The following MGAT5B variants were observed in gnomAD, a reference collection of about 807,000 sequenced individuals.
MGAT5B encodes the protein N-acetylglucosaminyl-transferase Vb.
A neutral mutation model predicts 95.1 loss-of-function variants in MGAT5B; 54 were observed. The observed-to-expected ratio is 0.57, with a 90% CI of 0.46 to 0.71. The LOEUF is 0.71. Among genes scored for constraint, MGAT5B ranks in the 30% least tolerant of loss-of-function variants. MGAT5B has a pLI of 0.00. For synonymous variants in MGAT5B, 464 were observed against 451.0 expected (o/e 1.03, Z -0.36); for missense variants, 935 against 1,088.6 (o/e 0.86, Z 1.99).
Position 76,906,190 on chromosome 17 carries a change from G to A in MGAT5B, c.1025+3G>A, listed in dbSNP as rs1410874922. On this transcript the variant is annotated splice_donor_region_variant and intron_variant, in intron 8 of 17. Transcript: ENST00000569840. The surrounding 1 kb of genome is among the most constrained non-coding windows in gnomAD (Gnocchi z 4.6). Reference sequence around the variant, plus strand: ...GTCTCCCTGAAGGAGCTGCAGAGGTGAGTGCTGGGGAAAGCCACTGGCATT... The same window carrying A: ...GTCTCCCTGAAGGAGCTGCAGAGGTAAGTGCTGGGGAAAGCCACTGGCATT... 2.5e-6 allele frequency: 4 copies of A among 1,592,162 alleles called. No individual in the cohort carries two copies. The highest frequency in any genetic ancestry group is 8.5e-7 in the Non-Finnish European group (1 of 1,171,876).
intron 1 of MGAT5B, among the ~76,000 whole-genome samples, chr17:76,871,081 A>G (rs1320488344): frequency 6.6e-6 from 1 of 152,154 alleles, no homozygotes; most frequent in East Asian, 1.9e-4. Flanking sequence ...CAGGCAGCCC[A>G]GGTCCCCAGC....
intron 2 of MGAT5B, among the ~76,000 whole-genome samples, chr17:76,876,879 T>C (rs1424765693): frequency 1.3e-5 from 2 of 152,220 alleles, no homozygotes; most frequent in African/African-American, 4.8e-5. Context: ...CTTTCCGGCA[T>C]TGCCCCCTCC....
Position 76,940,676 on chromosome 17 carries a change from G to T in MGAT5B, c.1732-56G>T, listed in dbSNP as rs558078955. 43 of 1,604,376 alleles carry T rather than the reference G, an allele frequency of 2.7e-5. No individual in the cohort carries two copies. The East Asian group carries it at 8.3e-4, about 31-fold the overall frequency. On this transcript the variant is annotated intron_variant, in intron 14 of 17. Transcript: ENST00000569840. The surrounding 1 kb of genome is among the most constrained non-coding windows in gnomAD (Gnocchi z 4.3). ...ACAAGTGTATGGGGTACCTTTCTTT[G>T]TCCCTGTCCCACTGGCAGGCACGGG...
chr17:76,877,386 G>T (rs1967230697), intron 2 of MGAT5B, among the ~76,000 whole-genome samples: 1 of 150,932 alleles, frequency 6.6e-6, no homozygotes, highest in Non-Finnish European at 1.5e-5. Flanking sequence ...GGAGGGGTCT[G>T]TAGGCTGAAG....
intron 8 of MGAT5B, chr17:76,913,649 C>G (rs1968823293): frequency 2.0e-6 from 1 of 500,358 alleles, no homozygotes; most frequent in Admixed American, 2.1e-5. Flanking sequence ...GAAATATCAA[C>G]ACAGAAAGGC....
rs35075307 is a variant in MGAT5B at position 76,949,978 on chromosome 17, G to A, written c.*1140G>A. The A allele has an allele frequency of 0.15, 22,106 of 151,124 alleles. 1,691 individuals are homozygous for A. The highest frequency in any genetic ancestry group is 0.2 in the Middle Eastern group (59 of 294). 9.4% of individuals were successfully genotyped at this position (151,124 alleles called of 1,614,324 possible). A position where few individuals can be genotyped will look rare whatever the true frequency, so the allele number is the denominator to read the frequency against. On this transcript the variant is annotated 3_prime_UTR_variant, in exon 18 of 18. Coordinates refer to ENST00000569840, the MANE Select transcript of MGAT5B (RefSeq NM_001199172.2). ...CCTCTGGATCTAGCTGTCCTTCTCC[G>A]AGTGGCACGCCTGCCCCAGGATGCC...
In MGAT5B at chr17:76,902,397, G is replaced by A. The variant is rs114150883; in HGVS notation, c.330-158G>A. Among the ~76,000 whole-genome samples, 908 of 152,206 alleles carry A rather than the reference G, an allele frequency of 6.0e-3. 12 individuals are homozygous for A. Among genetic ancestry groups the A allele is most frequent in the African/African-American group, 0.021 (883 of 41,532 alleles). ...GGCTGCCAGCTCCATCTTCTCACCC[G>A]ATTCACTCCCCACCATTTGGTCTGC... On this transcript the variant is annotated intron_variant, in intron 3 of 17. Transcript: ENST00000569840.
At position 76,870,768 on chromosome 17, in the gene MGAT5B, A is replaced by G. The variant is rs1348213647; in HGVS notation, c.68+1671A>G. Among the ~76,000 whole-genome samples the G allele has an allele frequency of 1.3e-5, 2 of 151,966 alleles. No homozygotes were observed. Among genetic ancestry groups the G allele is most frequent in the East Asian group, 3.9e-4 (2 of 5,150 alleles). On this transcript the variant is annotated intron_variant, in intron 1 of 17. Transcript: ENST00000569840. The surrounding 1 kb of genome is among the most constrained non-coding windows in gnomAD (Gnocchi z 5.0). ...GAGGTGGGGGGCAGGCTGCAATCAT[A>G]GCACCCCAGCTTATTCATCCTCAAA...
chr17:76,909,021 G>A (rs973135353), intron 8 of MGAT5B, among the ~76,000 whole-genome samples: 1 of 151,986 alleles, frequency 6.6e-6, no homozygotes, highest in Non-Finnish European at 1.5e-5. Context: ...TGGTCATGCT[G>A]GTCTCGAACT....
At chr17:76,948,128 C>T (rs777956018) in intron 17 of MGAT5B, 42 bp downstream of exon 17, 5 of 1,543,684 alleles carry the variant, frequency 3.2e-6, no homozygotes, top group Non-Finnish European at 4.4e-6. Flanking sequence ...GCTATCATCG[C>T]TGGCCCAGCC....
rs1439106968 is a variant in MGAT5B at position 76,905,292 on chromosome 17, C to G, written c.814C>G (p.Leu272Val). The G allele has an allele frequency of 6.2e-7, 1 of 1,605,454 alleles. No homozygotes were observed. The highest frequency in any genetic ancestry group is 1.3e-5 in the African/African-American group (1 of 74,760). The change falls in exon 7 of 18, where the codon CTG (leucine) becomes GTG (valine). Residue 272 changes from leucine (L) to valine (V), a missense_variant. This residue lies in a region of MGAT5B where 243 missense variants were observed against 305.5 expected (regional missense o/e 0.80). Transcript: ENST00000569840. The surrounding 1 kb of genome is among the most constrained non-coding windows in gnomAD (Gnocchi z 4.2). ...TAQWALAAQR[L>V]AQKLGATQRD... Reference sequence around the variant, plus strand: ...CCAGTGGGCGCTGGCTGCCCAGCGCCTGGCACAGAAGCTGGGGGCCACCCA... The same window carrying G: ...CCAGTGGGCGCTGGCTGCCCAGCGCGTGGCACAGAAGCTGGGGGCCACCCA...
intron 10 of MGAT5B, among the ~76,000 whole-genome samples, chr17:76,926,963 T>C (rs896283914): frequency 3.0e-4 from 45 of 151,982 alleles, no homozygotes; most frequent in African/African-American, 1.1e-3. Context: ...CAGGGCGGGG[T>C]GACCTCCCCG....
chr17:76,941,121 GA>G (rs1264252753), intron 15 of MGAT5B, among the ~76,000 whole-genome samples: 4 of 152,236 alleles, frequency 2.6e-5, no homozygotes, highest in African/African-American at 9.6e-5. Context: ...GGCAGCCCTG[GA>G]TCTCAAATTG....
chr17:76,870,947 G>A lies in MGAT5B; in HGVS notation c.68+1850G>A, dbSNP rs1171097938. Among the ~76,000 whole-genome samples, 2 of 152,084 alleles carry A rather than the reference G, an allele frequency of 1.3e-5. No individual in the cohort carries two copies. Among genetic ancestry groups the A allele is most frequent in the Non-Finnish European group, 2.9e-5 (2 of 68,008 alleles). Reference sequence around the variant, plus strand: ...TCCAAATGGCCCCCAGCTGCCTTGGGGGACATTGAACCCCAGGATGGGGTT... The same window carrying A: ...TCCAAATGGCCCCCAGCTGCCTTGGAGGACATTGAACCCCAGGATGGGGTT... On this transcript the variant is annotated intron_variant, in intron 1 of 17. Coordinates refer to ENST00000569840, the MANE Select transcript of MGAT5B (RefSeq NM_001199172.2). This position sits in a 1 kb window ranked among gnomAD's most constrained non-coding sequence, Gnocchi z 5.0.
At chr17:76,926,895 G>A (rs1969331995) in intron 10 of MGAT5B, among the ~76,000 whole-genome samples, 165 bp downstream of exon 10, 1 of 152,180 alleles carries the variant, frequency 6.6e-6, no homozygotes, top group South Asian at 2.1e-4. Flanking sequence ...ATAAGTGTGT[G>A]AACCAGGAAG....
At chr17:76,904,112 C>T (rs1968426041) in intron 5 of MGAT5B, 140 bp from the exon 6 acceptor site, 1 of 835,162 alleles carries the variant, frequency 1.2e-6, no homozygotes, top group Non-Finnish European at 1.8e-6. Context: ...CTTCTCTGCC[C>T]TGTCCCCTGT....
At chr17:76,885,132 G>T (rs1305819477) in intron 3 of MGAT5B, among the ~76,000 whole-genome samples, 2 of 152,326 alleles carry the variant, frequency 1.3e-5, no homozygotes, top group East Asian at 3.9e-4. Flanking sequence ...CCGTGGTGGA[G>T]ATGGGGAGTG....
At chr17:76,887,453 TCCTCCCTCCCTCCCTCCCTTCCTC>T (rs1967681434) in intron 3 of MGAT5B, among the ~76,000 whole-genome samples, 5 of 44,590 alleles carry the variant, frequency 1.1e-4, no homozygotes, top group Admixed American at 1.1e-3. Context: ...CTCCCTTCCT[TCCTCCCTCCCTCCCTCCCTTCCTC>T]CCTCCCTCCC....
intron 8 of MGAT5B, 43 bp from the exon 9 acceptor site, chr17:76,924,923 G>A (rs1390548659): frequency 6.2e-7 from 1 of 1,609,388 alleles, no homozygotes; most frequent in South Asian, 1.1e-5. Context: ...GGTTGGGCAG[G>A]TGGGTTTCTT....
Sources: allele counts gnomAD v4.1 joint callset (sites outside exome capture counted in the v4.1 genomes callset), GRCh38; gene constraint gnomAD v4.1.1; regional missense constraint gnomAD v4.1.1; non-coding constraint Gnocchi (gnomAD v3.1); transcripts MANE v1.5; gene names NCBI Gene and HGNC (gene_info 2026-07-23, HGNC 2026-07-21).